SMCO2: variants seen among roughly 807,000 people sequenced by gnomAD.
SMCO2 encodes the protein single-pass membrane and coiled-coil domain-containing protein 2.
A neutral mutation model predicts 29.5 loss-of-function variants in SMCO2; 25 were observed. That is an observed-to-expected ratio of 0.85 (90% confidence interval 0.62 to 1.18). The LOEUF (loss-of-function observed/expected upper bound fraction) is 1.18. Ranked by LOEUF, SMCO2 falls within the 50% of genes most tolerant of loss-of-function variation. The probability of loss-of-function intolerance (pLI) is 0.00; values close to 1 mark genes in which losing one functional copy is unlikely to be tolerated. For missense variants in SMCO2, 348 were observed against 344.5 expected, an observed-to-expected ratio of 1.01 and a Z score of -0.08; for synonymous variants, 117 against 123.3, an observed-to-expected ratio of 0.95 and a Z score of 0.34.
At chr12:27,488,400 C>A (rs1949707023) in intron 4 of SMCO2, 60 bp from the exon 6 acceptor site, 2 of 1,171,302 alleles carry the variant, frequency 1.7e-6, no homozygotes, top group South Asian at 2.2e-5. Flanking sequence ...ATCAAAATTA[C>A]CTCCTCTCTT....
chr12:27,440,281 T>C, the SMCO2 span, among the ~76,000 whole-genome samples: 3 of 152,180 alleles, frequency 2.0e-5, no homozygotes, highest in Admixed American at 2.0e-4. Context: ...GAAGGAGTGA[T>C]AAAATCTTTT....
chr12:27,429,909 T>C, the SMCO2 span, among the ~76,000 whole-genome samples: 1 of 152,198 alleles, frequency 6.6e-6, no homozygotes, highest in Admixed American at 6.5e-5. Context: ...TTTGTTGTTA[T>C]GCTTAGGAGG....
At chr12:27,464,871 C>CA (rs1949485719), upstream of SMCO2, among the ~76,000 whole-genome samples, 1 of 146,658 alleles carries the variant, frequency 6.8e-6, no homozygotes, top group African/African-American at 2.5e-5. Context: ...AACACACACA[C>CA]AAAAAAAATT....
intron 3 of SMCO2, among the ~76,000 whole-genome samples, chr12:27,473,596 A>T (rs1017676120): frequency 2.0e-5 from 3 of 152,222 alleles, no homozygotes; most frequent in African/African-American, 7.2e-5. Flanking sequence ...ATACTCTATG[A>T]CCTTGGGCAA....
intron 4 of SMCO2, among the ~76,000 whole-genome samples, chr12:27,481,013 C>G (rs1183409708): frequency 6.6e-6 from 1 of 152,176 alleles, no homozygotes; most frequent in Non-Finnish European, 1.5e-5. Context: ...ACCCTGTTCC[C>G]TGGGTGTAAT....
At chr12:27,453,740 A>G in the SMCO2 span, among the ~76,000 whole-genome samples, 3 of 152,228 alleles carry the variant, frequency 2.0e-5, no homozygotes, top group African/African-American at 7.2e-5. Context: ...TCAAGTAAGT[A>G]CAGCAAATGT....
chr12:27,470,862 G>A, intron 2 of SMCO2, 97 bp downstream of exon 2: 2 of 1,355,096 alleles, frequency 1.5e-6, no homozygotes, highest in Non-Finnish European at 2.0e-6. Context: ...TCCAGGTTCA[G>A]AGTCTAGGTT....
chr12:27,440,571 A>G, the SMCO2 span, among the ~76,000 whole-genome samples: 2 of 151,896 alleles, frequency 1.3e-5, no homozygotes, highest in African/African-American at 4.8e-5. Flanking sequence ...GACAGGCAAT[A>G]TTAAAATAAA....
At chr12:27,461,504 G>C in the SMCO2 span, among the ~76,000 whole-genome samples, 1 of 152,144 alleles carries the variant, frequency 6.6e-6, no homozygotes, top group Non-Finnish European at 1.5e-5. Context: ...AGAGCATGCA[G>C]TATTTGGTTT....
intron 4 of SMCO2, among the ~76,000 whole-genome samples, chr12:27,483,862 T>C (rs1050100838): frequency 3.3e-5 from 5 of 152,248 alleles, no homozygotes; most frequent in African/African-American, 1.2e-4. Context: ...TTTGCACTAC[T>C]GTTGGCGTAC....
At chr12:27,491,490 G>C (rs975877134) in intron 5 of SMCO2, among the ~76,000 whole-genome samples, 1 of 152,164 alleles carries the variant, frequency 6.6e-6, no homozygotes, top group African/African-American at 2.4e-5. Flanking sequence ...TCACAGCACA[G>C]CTCCTCTCTA....
At chr12:27,470,922 G>A (rs1949536017) in intron 2 of SMCO2, among the ~76,000 whole-genome samples, 157 bp downstream of exon 2, 1 of 152,000 alleles carries the variant, frequency 6.6e-6, no homozygotes, top group African/African-American at 2.4e-5. Context: ...AATATTTACT[G>A]TAGTAGGCCT....
At chr12:27,460,060 A>G in the SMCO2 span, among the ~76,000 whole-genome samples, 1 of 152,266 alleles carries the variant, frequency 6.6e-6, no homozygotes, top group African/African-American at 2.4e-5. Context: ...AATTAATTTT[A>G]ACTATTTTTA....
chr12:27,477,276 C>T (rs537504889), intron 4 of SMCO2, among the ~76,000 whole-genome samples: 1 of 140,166 alleles, frequency 7.1e-6, no homozygotes, highest in African/African-American at 2.7e-5. Context: ...TCTCTCCTTG[C>T]CTATAAGATT....
the SMCO2 span, among the ~76,000 whole-genome samples, chr12:27,459,834 C>G: frequency 6.6e-6 from 1 of 152,094 alleles, no homozygotes; most frequent in Admixed American, 6.6e-5. Context: ...TTTAAGTTGC[C>G]CATACACTTC....
chr12:27,437,206 G>A, the SMCO2 span, among the ~76,000 whole-genome samples: 7 of 152,244 alleles, frequency 4.6e-5, no homozygotes, highest in Non-Finnish European at 8.8e-5. Flanking sequence ...AGGAGTTCGA[G>A]GCTACAGTGA....
At chr12:27,452,137 A>G in the SMCO2 span, among the ~76,000 whole-genome samples, 1 of 152,220 alleles carries the variant, frequency 6.6e-6, no homozygotes, top group African/African-American at 2.4e-5. Context: ...GCGGAGTCAT[A>G]GGGTGGATAC....
At chr12:27,433,545 AT>A in the SMCO2 span, among the ~76,000 whole-genome samples, 1 of 141,538 alleles carries the variant, frequency 7.1e-6, no homozygotes, top group Non-Finnish European at 1.6e-5. Flanking sequence ...ACACACACAT[AT>A]ATCATATTCT....
At chr12:27,451,465 G>A in the SMCO2 span, among the ~76,000 whole-genome samples, 1 of 151,346 alleles carries the variant, frequency 6.6e-6, no homozygotes, top group Admixed American at 6.6e-5. Flanking sequence ...ATGTAGCCTC[G>A]TTTTATATGT....
Sources: gnomAD v4.1 joint callset for allele counts (sites outside exome capture counted in the v4.1 genomes callset) on GRCh38, gnomAD v4.1.1 for gene constraint, MANE v1.5 for transcripts, NCBI Gene and HGNC (gene_info 2026-07-23, HGNC 2026-07-21) for gene names.